The following CTIF variants were observed in gnomAD, a reference collection of about 807,000 sequenced individuals.
The protein encoded by CTIF is CBP80/20-dependent translation initiation factor.
A neutral mutation model predicts 66.0 loss-of-function variants in CTIF; 21 were observed. That is an observed-to-expected ratio of 0.32 (90% CI 0.23 to 0.46). The LOEUF is 0.46. CTIF is among the 20% of genes least tolerant of loss of function. CTIF has a pLI of 1.00. For synonymous variants in CTIF, 345 were observed against 326.4 expected, an observed-to-expected ratio of 1.06 and a Z score of -0.62; for missense variants, 739 against 812.7, an observed-to-expected ratio of 0.91 and a Z score of 1.10.
At chr18:48,789,829 T>G (rs934559525) in intron 9 of CTIF, among the ~76,000 whole-genome samples, 2 of 152,176 alleles carry the variant, frequency 1.3e-5, no homozygotes, top group African/African-American at 4.8e-5. Context: ...TTAAGACTAG[T>G]GGGGAAGACT....
At chr18:48,546,524 C>T (rs2088754095) in intron 1 of CTIF, among the ~76,000 whole-genome samples, 1 of 152,110 alleles carries the variant, frequency 6.6e-6, no homozygotes, top group Admixed American at 6.5e-5. Context: ...CTGTAGCTAG[C>T]GTCCTTTCAA....
chr18:48,605,274 A>G (rs1453217741), intron 1 of CTIF, among the ~76,000 whole-genome samples: 1 of 152,188 alleles, frequency 6.6e-6, no homozygotes, highest in Non-Finnish European at 1.5e-5. Flanking sequence ...CAGTTGCTCC[A>G]CATCCTCTCC....
intron 7 of CTIF, among the ~76,000 whole-genome samples, chr18:48,749,816 C>T (rs960108655): frequency 3.3e-5 from 5 of 152,180 alleles, no homozygotes; most frequent in Admixed American, 6.5e-5. Flanking sequence ...CAAACTACCA[C>T]GAACTACTGT....
intron 3 of CTIF, among the ~76,000 whole-genome samples, chr18:48,655,792 T>C (rs947700210): frequency 6.6e-6 from 1 of 152,188 alleles, no homozygotes; most frequent in African/African-American, 2.4e-5. Context: ...ACTTCCCCCA[T>C]GACTGTCCCA....
At chr18:48,717,411 A>AAATT (rs2092292366) in intron 7 of CTIF, among the ~76,000 whole-genome samples, 1 of 133,812 alleles carries the variant, frequency 7.5e-6, no homozygotes, top group African/African-American at 3.3e-5. Context: ...AAAAATAAAT[A>AAATT]AATAAATAAA....
intron 10 of CTIF, among the ~76,000 whole-genome samples, chr18:48,841,649 C>T (rs1006180793): frequency 6.6e-5 from 10 of 151,288 alleles, no homozygotes; most frequent in Middle Eastern, 3.4e-3. Flanking sequence ...CGATTCAAGA[C>T]GCTGGCTCGG....
At chr18:48,849,616 T>A (rs2146612552) in intron 10 of CTIF, among the ~76,000 whole-genome samples, 1 of 143,892 alleles carries the variant, frequency 6.9e-6, no homozygotes, top group Non-Finnish European at 1.5e-5. Flanking sequence ...AGACAGAGTT[T>A]CACTCTATCG....
chr18:48,803,480 C>G (rs1426592318), intron 9 of CTIF, among the ~76,000 whole-genome samples: 1 of 152,198 alleles, frequency 6.6e-6, no homozygotes, highest in Non-Finnish European at 1.5e-5. Context: ...AGCAATCACC[C>G]AGTACATCGG....
intron 9 of CTIF, among the ~76,000 whole-genome samples, chr18:48,811,243 T>C (rs1038668425): frequency 1.3e-5 from 2 of 152,200 alleles, no homozygotes; most frequent in Admixed American, 6.5e-5. Flanking sequence ...GATTCCATTG[T>C]ATAACCAAAA....
intron 10 of CTIF, among the ~76,000 whole-genome samples, chr18:48,829,553 C>T (rs1338277333): frequency 2.0e-5 from 3 of 152,188 alleles, no homozygotes; most frequent in African/African-American, 7.2e-5. Context: ...CCCCGACCTC[C>T]GTGCTTCCCA....
intron 9 of CTIF, among the ~76,000 whole-genome samples, chr18:48,782,731 G>T (rs1462838929): frequency 6.6e-6 from 1 of 152,194 alleles, no homozygotes; most frequent in Non-Finnish European, 1.5e-5. Flanking sequence ...TCCAACCTCG[G>T]CTTGGGTTCC....
At chr18:48,847,434 A>T (rs1014357341) in intron 10 of CTIF, among the ~76,000 whole-genome samples, 2 of 152,116 alleles carry the variant, frequency 1.3e-5, no homozygotes, top group Non-Finnish European at 2.9e-5. Flanking sequence ...TTCCATTTCC[A>T]CTTAGACCTG....
At chr18:48,737,210 A>C (rs1449348363) in intron 7 of CTIF, among the ~76,000 whole-genome samples, 1 of 152,162 alleles carries the variant, frequency 6.6e-6, no homozygotes, top group East Asian at 1.9e-4. Flanking sequence ...TTTTAAGGCC[A>C]ATGGTCAACA....
intron 7 of CTIF, among the ~76,000 whole-genome samples, chr18:48,730,492 CT>C (rs1568171656): frequency 0.12 from 14,584 of 122,790 alleles, 6,358 homozygotes; most frequent in Middle Eastern, 0.15. Context: ...GTGTGAGGGG[CT>C]TCTGCGGTGT....
intron 6 of CTIF, among the ~76,000 whole-genome samples, chr18:48,705,572 G>C (rs1286299761): frequency 6.6e-6 from 1 of 152,224 alleles, no homozygotes; most frequent in Non-Finnish European, 1.5e-5. Context: ...ACCTCCTGCG[G>C]AGGGTGAGGA....
At chr18:48,831,236 C>T (rs2068685297) in intron 10 of CTIF, among the ~76,000 whole-genome samples, 1 of 152,250 alleles carries the variant, frequency 6.6e-6, no homozygotes, top group South Asian at 2.1e-4. Flanking sequence ...GCAAACAGTG[C>T]TCTCAGCCTG....
At chr18:48,809,857 T>C (rs578156923) in intron 9 of CTIF, among the ~76,000 whole-genome samples, 17 of 152,088 alleles carry the variant, frequency 1.1e-4, no homozygotes, top group Admixed American at 1.0e-3. Flanking sequence ...ACTTTTTTTC[T>C]ATATCATATC....
At chr18:48,819,577 C>T (rs1005292879) in intron 10 of CTIF, among the ~76,000 whole-genome samples, 1 of 152,138 alleles carries the variant, frequency 6.6e-6, no homozygotes, top group Non-Finnish European at 1.5e-5. Flanking sequence ...GTGTGAGATC[C>T]GGAGGTGCCA....
intron 10 of CTIF, among the ~76,000 whole-genome samples, chr18:48,829,719 G>A (rs1213754497): frequency 2.0e-5 from 3 of 152,232 alleles, no homozygotes; most frequent in Admixed American, 2.0e-4. Context: ...GGGAGAGGAG[G>A]AGCAAACGGT....
Sources: allele counts gnomAD v4.1 joint callset (sites outside exome capture counted in the v4.1 genomes callset), GRCh38; gene constraint gnomAD v4.1.1; transcripts MANE v1.5; gene names NCBI Gene and HGNC (gene_info 2026-07-23, HGNC 2026-07-21).